PRELID2: variants seen among roughly 807,000 people sequenced by gnomAD.
The protein encoded by PRELID2 is PRELI domain-containing protein 2.
In PRELID2, 25 loss-of-function variants were observed where a neutral mutation model predicts 28.4. That is an observed-to-expected ratio of 0.88 (90% CI 0.64 to 1.23). The LOEUF (loss-of-function observed/expected upper bound fraction) is 1.23. Ranked by LOEUF, PRELID2 falls within the 50% of genes most tolerant of loss-of-function variation. The pLI is 0.00. For missense variants in PRELID2, 201 were observed against 214.4 expected (o/e 0.94, Z 0.39); for synonymous variants, 76 against 71.6 (o/e 1.06, Z -0.31).
chr5:145,268,520 C>G, the PRELID2 span, among the ~76,000 whole-genome samples: 1 of 152,136 alleles, frequency 6.6e-6, no homozygotes, highest in Admixed American at 6.6e-5. Flanking sequence ...CCAGTACTCT[C>G]TCTTTAACAC....
chr5:145,530,528 A>G (rs896339439), intron 1 of PRELID2, among the ~76,000 whole-genome samples: 1 of 152,014 alleles, frequency 6.6e-6, no homozygotes, highest in African/African-American at 2.4e-5. Context: ...AGGAAGGACG[A>G]TGATGAGTAA....
rs553055280 is a variant in PRELID2, at chr5:145,564,058, A to G, written n.71-90743T>C. ...AAATATAAGCAATTTTTAGTTAAAA[A>G]GAAAGCTCAAAAGCATTGATTTTAC... On this transcript the variant is annotated intron_variant and non_coding_transcript_variant, in intron 1 of 2. Transcript: ENST00000510259. 5.9e-5 allele frequency among the ~76,000 whole-genome samples: 9 copies of G among 152,310 alleles called. No homozygotes were observed. The South Asian group carries it at 1.9e-3, about 32-fold the overall frequency.
the PRELID2 span, among the ~76,000 whole-genome samples, chr5:145,328,250 T>C: frequency 3.7e-4 from 57 of 152,354 alleles, no homozygotes; most frequent in African/African-American, 1.3e-3. Flanking sequence ...AACATACATG[T>C]GCATGTGTCT....
At chr5:145,561,683 A>G (rs548706763) in intron 1 of PRELID2, among the ~76,000 whole-genome samples, 2 of 152,336 alleles carry the variant, frequency 1.3e-5, no homozygotes, top group Admixed American at 1.3e-4. Flanking sequence ...AAGAAAAACT[A>G]AAACTAACTC....
At chr5:145,824,463 T>TGTGTGTGTGTGTGTGAGA (rs373555427) in intron 1 of PRELID2, among the ~76,000 whole-genome samples, 5 of 143,548 alleles carry the variant, frequency 3.5e-5, no homozygotes, top group South Asian at 4.5e-4. Flanking sequence ...TGTGTGTGTG[T>TGTGTGTGTGTGTGTGAGA]GATATTGATT....
intron 1 of PRELID2, among the ~76,000 whole-genome samples, chr5:145,722,124 T>C (rs1021364115): frequency 8.5e-5 from 13 of 152,108 alleles, no homozygotes; most frequent in Non-Finnish European, 1.8e-4. Flanking sequence ...ACCCTGATAA[T>C]AGAAAATACA....
At chr5:145,422,700 G>C in the PRELID2 span, among the ~76,000 whole-genome samples, 83 of 151,850 alleles carry the variant, frequency 5.5e-4, 1 homozygote, top group Admixed American at 3.3e-3. Context: ...ATTTGCCAGT[G>C]TGTGTCTTTT....
chr5:145,377,547 C>T, the PRELID2 span, among the ~76,000 whole-genome samples: 5 of 152,034 alleles, frequency 3.3e-5, no homozygotes, highest in Non-Finnish European at 5.9e-5. Context: ...TCTGGTTGCT[C>T]CTGTGTTGGT....
chr5:145,550,383 G>C (rs1752824184), intron 1 of PRELID2, among the ~76,000 whole-genome samples: 1 of 152,078 alleles, frequency 6.6e-6, no homozygotes, highest in South Asian at 2.1e-4. Context: ...ATGAAACCAA[G>C]AATTTATTTC....
At chr5:145,291,320 A>C in the PRELID2 span, among the ~76,000 whole-genome samples, 8 of 131,052 alleles carry the variant, frequency 6.1e-5, no homozygotes, top group African/African-American at 2.1e-4. Context: ...CTGGCAACAG[A>C]GTGAGACTCT....
At chr5:145,237,661 G>T in the PRELID2 span, among the ~76,000 whole-genome samples, 7 of 151,990 alleles carry the variant, frequency 4.6e-5, no homozygotes, top group African/African-American at 1.7e-4. Flanking sequence ...CATCTTTCCT[G>T]GTTCCTTCTA....
chr5:145,450,284 A>C, the PRELID2 span, among the ~76,000 whole-genome samples: 8 of 152,188 alleles, frequency 5.3e-5, no homozygotes, highest in African/African-American at 1.9e-4. Context: ...GACACAACTG[A>C]ACTCAAGAAG....
the PRELID2 span, among the ~76,000 whole-genome samples, chr5:145,380,145 G>A: frequency 1.3e-5 from 2 of 152,168 alleles, no homozygotes; most frequent in Non-Finnish European, 2.9e-5. Context: ...TAATTTAAGT[G>A]TCCATGGTGG....
chr5:145,335,992 G>A, the PRELID2 span, among the ~76,000 whole-genome samples: 1 of 152,242 alleles, frequency 6.6e-6, no homozygotes, highest in Non-Finnish European at 1.5e-5. Flanking sequence ...GTATCTCATT[G>A]TGGTTTTGAT....
At chr5:145,800,301 T>TACAC (rs10555229) in intron 4 of PRELID2, among the ~76,000 whole-genome samples, 20,844 of 138,376 alleles carry the variant, frequency 0.15, 1,735 homozygotes, top group East Asian at 0.37. Flanking sequence ...CCCCTTCTCT[T>TACAC]ACACACACAC....
chr5:145,520,029 T>C lies in PRELID2; in HGVS notation n.71-46714A>G, dbSNP rs190408640. On this transcript the variant is annotated intron_variant and non_coding_transcript_variant, in intron 1 of 2. Coordinates refer to the PRELID2 transcript ENST00000510259. The stretch of plus-strand genomic sequence containing the variant: ...CTCAATGGTGAGCAAGTAGTCAGGA[T>C]TCCGACCAATTTGAGCACCTAGTGA... Among the ~76,000 whole-genome samples, 26 of 152,316 alleles carry C rather than the reference T, an allele frequency of 1.7e-4. No individual in the cohort carries two copies. The East Asian group carries it at 4.1e-3, about 24-fold the overall frequency.
intron 3 of PRELID2, 77 bp downstream of exon 3, chr5:145,819,868 G>A (rs200370821): frequency 3.2e-5 from 2 of 63,242 alleles, no homozygotes; most frequent in Admixed American, 2.4e-4. Flanking sequence ...CTTTACATCA[G>A]AAAATGCTGT....
At chr5:145,822,727 T>C (rs1754915877) in intron 2 of PRELID2, among the ~76,000 whole-genome samples, 1 of 152,204 alleles carries the variant, frequency 6.6e-6, no homozygotes, top group Non-Finnish European at 1.5e-5. Flanking sequence ...CAAACATTGT[T>C]CTGAATATTA....
chr5:145,521,068 C>A (rs895569411), intron 1 of PRELID2, among the ~76,000 whole-genome samples: 8 of 152,042 alleles, frequency 5.3e-5, no homozygotes. Context: ...AACAAATCTA[C>A]GGCTTTCATG....
Sources: allele counts gnomAD v4.1 joint callset (sites outside exome capture counted in the v4.1 genomes callset), GRCh38; gene constraint gnomAD v4.1.1; transcripts MANE v1.5; gene names NCBI Gene and HGNC (gene_info 2026-07-23, HGNC 2026-07-21).